Variants in LNX1 observed in about 807,000 individuals in gnomAD.
LNX1 encodes the protein ligand of numb-protein X 1.
A neutral mutation model predicts 68.4 loss-of-function variants in LNX1; 54 were observed. That is an observed-to-expected ratio of 0.79 (90% CI 0.63 to 0.99). The LOEUF is 0.99. LNX1 is among the 50% of genes least tolerant of loss of function. The probability of loss-of-function intolerance (pLI) is 0.00; values close to 1 mark genes in which losing one functional copy is unlikely to be tolerated. For missense variants in LNX1, 906 were observed against 926.4 expected (o/e 0.98, Z 0.29); for synonymous variants, 336 against 350.0 (o/e 0.96, Z 0.45).
At chr4:53,614,800 G>T (rs778034454) in intron 2 of LNX1, among the ~76,000 whole-genome samples, 3 of 152,110 alleles carry the variant, frequency 2.0e-5, no homozygotes, top group Non-Finnish European at 4.4e-5. Flanking sequence ...ACATCTGTCT[G>T]CTTCCTTCAG....
intron 9 of LNX1, among the ~76,000 whole-genome samples, chr4:53,465,696 TTGTA>T (rs895487929): frequency 2.0e-5 from 3 of 152,246 alleles, no homozygotes; most frequent in African/African-American, 7.2e-5. Context: ...CATGTTTAAA[TTGTA>T]CATACACTAA....
intron 2 of LNX1, among the ~76,000 whole-genome samples, chr4:53,551,271 C>A (rs1243432440): frequency 6.6e-6 from 1 of 152,270 alleles, no homozygotes; most frequent in South Asian, 2.1e-4. Context: ...CAGGGAAGGC[C>A]ACCCTCCCCA....
chr4:53,600,656 A>C (rs529307286), intron 2 of LNX1, among the ~76,000 whole-genome samples: 23 of 152,284 alleles, frequency 1.5e-4, no homozygotes, highest in African/African-American at 5.5e-4. Context: ...AATCACGAGC[A>C]TGTGAAGACA....
chr4:53,488,673 C>A (rs1365207578), intron 6 of LNX1, among the ~76,000 whole-genome samples: 3 of 152,064 alleles, frequency 2.0e-5, no homozygotes. Context: ...CCTGTCTTTA[C>A]CTATGGATTA....
chr4:53,562,121 T>C (rs1180182504), intron 2 of LNX1, among the ~76,000 whole-genome samples: 1 of 152,212 alleles, frequency 6.6e-6, no homozygotes, highest in Non-Finnish European at 1.5e-5. Context: ...ATGCAGATGA[T>C]GAGATTACAA....
At chr4:53,566,965 T>C (rs1219847322) in intron 2 of LNX1, among the ~76,000 whole-genome samples, 5 of 152,082 alleles carry the variant, frequency 3.3e-5, no homozygotes, top group African/African-American at 7.2e-5. Flanking sequence ...TATATATGCA[T>C]CCAATACAGG....
At chr4:53,505,780 C>A (rs1352899833) in intron 4 of LNX1, among the ~76,000 whole-genome samples, 1 of 152,100 alleles carries the variant, frequency 6.6e-6, no homozygotes, top group Non-Finnish European at 1.5e-5. Flanking sequence ...ACAGGTGCTT[C>A]AAAAACACCT....
chr4:53,582,447 G>A (rs1350016724), intron 1 of LNX1, among the ~76,000 whole-genome samples: 1 of 152,192 alleles, frequency 6.6e-6, no homozygotes, highest in Non-Finnish European at 1.5e-5. Context: ...GAGTACATAA[G>A]CGAGCCCAGT....
chr4:53,558,132 C>A (rs1440964986), intron 2 of LNX1: 2 of 1,420,556 alleles, frequency 1.4e-6, no homozygotes, highest in African/African-American at 1.4e-5. Context: ...ATCACGGGCC[C>A]GTAAGAAGAT....
chr4:53,472,685 C>CAAAAAAAAAA (rs1309297098), intron 9 of LNX1, among the ~76,000 whole-genome samples: 5 of 74,772 alleles, frequency 6.7e-5, no homozygotes, highest in African/African-American at 9.6e-5. Flanking sequence ...ACAACAACAA[C>CAAAAAAAAAA]AAAAAAAAAA....
At chr4:53,497,592 A>T (rs1298901216) in intron 5 of LNX1, among the ~76,000 whole-genome samples, 1 of 152,200 alleles carries the variant, frequency 6.6e-6, no homozygotes, top group Non-Finnish European at 1.5e-5. Flanking sequence ...GTTGCCTGCT[A>T]AATAGTCCTG....
At chr4:53,571,660 C>T (rs1470296915) in intron 2 of LNX1, among the ~76,000 whole-genome samples, 1 of 151,812 alleles carries the variant, frequency 6.6e-6, no homozygotes, top group African/African-American at 2.4e-5. Context: ...TGTATGGTAA[C>T]AAATTTGTTT....
intron 8 of LNX1, among the ~76,000 whole-genome samples, chr4:53,477,460 A>C (rs1253863306): frequency 6.6e-6 from 1 of 152,114 alleles, no homozygotes; most frequent in East Asian, 1.9e-4. Flanking sequence ...TTGGAGCTGC[A>C]CTCTTAAAGA....
chr4:53,483,484 T>A (rs11944047), intron 6 of LNX1, among the ~76,000 whole-genome samples: 36,549 of 152,152 alleles, frequency 0.24, 4,985 homozygotes, highest in South Asian at 0.51. Context: ...CTGCAGGTCA[T>A]TCAGACTAAA....
rs1299647653 is a variant in LNX1, at chr4:53,498,787, T to C, written c.832A>G (p.Asn278Asp). The C allele has an allele frequency of 1.2e-6, 2 of 1,614,124 alleles. No homozygotes were observed. The change falls in exon 5 of 11, where the codon AAT becomes GAT. Residue 278 changes from asparagine (N) to aspartate (D), a missense_variant. Coordinates refer to ENST00000263925, the MANE Select transcript of LNX1 (RefSeq NM_001126328.3). ...AGGCTTTCACTGGGATCTACTCGAT[T>C]GATCTTGATGCTGGTAATTTCACCA... ...PDGEITSIKI[N>D]RVDPSESLSI...
chr4:53,624,411 T>A (rs1235163238), intron 1 of LNX1, among the ~76,000 whole-genome samples: 2 of 152,152 alleles, frequency 1.3e-5, no homozygotes, highest in African/African-American at 4.8e-5. Flanking sequence ...TTGGTTCTTA[T>A]CCTCTCTCTT....
At chr4:53,519,678 C>T (rs974908541) in intron 2 of LNX1, among the ~76,000 whole-genome samples, 16 of 152,110 alleles carry the variant, frequency 1.1e-4, no homozygotes, top group Non-Finnish European at 1.8e-4. Flanking sequence ...CACACATGCG[C>T]GCACATGCAC....
chr4:53,566,011 T>A (rs570715726), intron 2 of LNX1, among the ~76,000 whole-genome samples: 22 of 151,836 alleles, frequency 1.4e-4, no homozygotes, highest in African/African-American at 5.1e-4. Context: ...AGAGACCAAA[T>A]CTACGTCTGA....
At chr4:53,507,747 G>C (rs1191717344) in intron 3 of LNX1, among the ~76,000 whole-genome samples, 3 of 152,176 alleles carry the variant, frequency 2.0e-5, no homozygotes, top group African/African-American at 7.2e-5. Context: ...CTGCAGGAGT[G>C]ATGAATCATT....
Sources: allele counts gnomAD v4.1 joint callset (sites outside exome capture counted in the v4.1 genomes callset), GRCh38; gene constraint gnomAD v4.1.1; transcripts MANE v1.5; gene names NCBI Gene and HGNC (gene_info 2026-07-23, HGNC 2026-07-21).